Variants in KIF20B observed in about 807,000 individuals in gnomAD.
KIF20B encodes kinesin-like protein KIF20B.
Under a neutral mutation model 232.5 loss-of-function variants are expected in KIF20B, and 188 were observed. That is an observed-to-expected ratio of 0.81 (90% confidence interval 0.72 to 0.91). KIF20B has a LOEUF of 0.91. Ranked by LOEUF, KIF20B falls within the 40% of genes least tolerant of loss-of-function variation. KIF20B has a pLI of 0.00. For synonymous variants in KIF20B, 712 were observed against 683.0 expected (o/e 1.04, Z -0.66); for missense variants, 2,154 against 2,055.9 (o/e 1.05, Z -0.92).
chr10:89,706,256 G>A (rs531984776), intron 2 of KIF20B, among the ~76,000 whole-genome samples: 2 of 152,082 alleles, frequency 1.3e-5, no homozygotes, highest in Admixed American at 1.3e-4. Context: ...AGTATTCTTG[G>A]CCATTTTTCT....
chr10:89,766,282 C>T (rs536424066), intron 29 of KIF20B: 3 of 152,588 alleles, frequency 2.0e-5, no homozygotes, highest in African/African-American at 7.2e-5. Flanking sequence ...CTCTCCTCCT[C>T]CAAAGGAATG....
intron 23 of KIF20B, among the ~76,000 whole-genome samples, chr10:89,748,518 T>A (rs2133146514): frequency 6.6e-6 from 1 of 152,312 alleles, no homozygotes; most frequent in East Asian, 1.9e-4. Context: ...ACAACCAGAT[T>A]ATTACTTATT....
chr10:89,719,551 GA>G lies in KIF20B; in HGVS notation c.1571del (p.Asn524IlefsTer3). The G allele has an allele frequency of 6.2e-7, 1 of 1,613,368 alleles. No homozygotes were observed. Among genetic ancestry groups the G allele is most frequent in the Non-Finnish European group, 8.5e-7 (1 of 1,179,548 alleles). Reference protein sequence around the residue: ...LNVKRATISWENSLEDLMEDE... With the variant: ...LNVKRATISWXNSLEDLMEDE... Reference sequence around the variant, plus strand: ...TGTAAAAAGAGCCACCATTTCATGGGAAAATAGTCTAGAAGATTTGATGGAA... The same window carrying G: ...TGTAAAAAGAGCCACCATTTCATGGGAAATAGTCTAGAAGATTTGATGGAA... On this transcript the variant is annotated frameshift_variant, in exon 13 of 33. Coordinates refer to ENST00000371728, the MANE Select transcript of KIF20B (RefSeq NM_001284259.2). LOFTEE classifies it high-confidence loss of function.
At position 89,772,966 on chromosome 10, in the gene KIF20B, G is replaced by A. The variant is rs982831627; in HGVS notation, c.5385+135G>A. On this transcript the variant is annotated intron_variant, in intron 32 of 32. Coordinates refer to ENST00000371728, the MANE Select transcript of KIF20B (RefSeq NM_001284259.2). ...AGGTCATGCTTTTAGTCTCACATGT[G>A]TTAAGTTTATACTAATTAAATATAA... is the stretch of plus-strand genomic sequence containing the variant. 69 of 654,082 alleles carry A rather than the reference G, an allele frequency of 1.1e-4. 2 individuals are homozygous for A. 40.5% of individuals were successfully genotyped at this position (654,082 alleles called of 1,614,324 possible). A position where few individuals can be genotyped will look rare whatever the true frequency, so the allele number is the denominator to read the frequency against.
chr10:89,737,711 A>C lies in KIF20B; in HGVS notation c.2870A>C (p.Gln957Pro), dbSNP rs1276580891. The C allele has an allele frequency of 6.2e-7, 1 of 1,612,960 alleles. No individual in the cohort carries two copies. The highest frequency in any genetic ancestry group is 8.5e-7 in the Non-Finnish European group (1 of 1,179,466). ...GTGCAGAAAAGTAAAAATCAAGAAC[A>C]GGAGGAAAAGATCATGAAATTGTCA... is the stretch of plus-strand genomic sequence containing the variant. ...LHVQKSKNQE[Q>P]EEKIMKLSNE... Residue 957 changes from glutamine to proline, a missense_variant, in exon 20 of 33, where the codon CAG becomes CCG. Transcript: ENST00000371728.
At chr10:89,764,328 G>C (rs1433645420) in intron 29 of KIF20B, among the ~76,000 whole-genome samples, 1 of 151,974 alleles carries the variant, frequency 6.6e-6, no homozygotes, top group Non-Finnish European at 1.5e-5. Context: ...CCAAGTCTTT[G>C]CTATTGTGAA....
chr10:89,774,296 T>C lies in KIF20B; in HGVS notation c.*248T>C, dbSNP rs1427123880. On this transcript the variant is annotated 3_prime_UTR_variant, in exon 33 of 33. Coordinates refer to ENST00000371728, the MANE Select transcript of KIF20B (RefSeq NM_001284259.2). ...TCAGACATTGGATCAGTGAAGATCC[T>C]AGGAAAGAGGCTGTTATTCTCATTT... 3.8e-6 allele frequency: 1 copy of C among 264,506 alleles called. No homozygotes were observed. Among genetic ancestry groups the C allele is most frequent in the African/African-American group, 2.2e-5 (1 of 45,200 alleles). The allele number at this position is 264,506 out of a possible 1,614,324, so 16.4% of individuals were successfully genotyped here. A position where few individuals can be genotyped will look rare whatever the true frequency, so the allele number is the denominator to read the frequency against.
Position 89,738,494 on chromosome 10 carries a change from T to G in KIF20B, c.3653T>G (p.Leu1218Ter). 6.2e-7 allele frequency: 1 copy of G among 1,606,484 alleles called. No homozygotes were observed. Among genetic ancestry groups the G allele is most frequent in the Non-Finnish European group, 8.5e-7 (1 of 1,177,168 alleles). Residue 1218 changes from leucine to a stop codon, truncating the protein, a stop_gained, in exon 20 of 33, where the codon TTA (leucine) becomes TGA (stop). Transcript: ENST00000371728. LOFTEE classifies it high-confidence loss of function. ...LQDSVKNTKD[L>*]NVKELKLKEE... ...GATTCTGTCAAAAACACCAAAGATT[T>G]AAATGTAAAGGAACTCAAGCTGAAA... is the stretch of plus-strand genomic sequence containing the variant.
intron 13 of KIF20B, among the ~76,000 whole-genome samples, chr10:89,722,558 A>G (rs1423478029): frequency 6.6e-6 from 1 of 151,956 alleles, no homozygotes; most frequent in Non-Finnish European, 1.5e-5. Context: ...AGTCCCAGCT[A>G]CTCGGGAGGT....
intron 8 of KIF20B, among the ~76,000 whole-genome samples, chr10:89,715,650 T>C (rs890502366): frequency 3.3e-5 from 5 of 152,214 alleles, no homozygotes; most frequent in Admixed American, 2.0e-4. Context: ...AATTATACTT[T>C]TACTACAAGG....
chr10:89,747,939 C>T (rs1296965560), intron 23 of KIF20B, among the ~76,000 whole-genome samples: 1 of 152,042 alleles, frequency 6.6e-6, no homozygotes, highest in African/African-American at 2.4e-5. Context: ...GATTCAAATC[C>T]TAGGTGCTGA....
At chr10:89,742,545 A>G (rs1230421844) in intron 21 of KIF20B, among the ~76,000 whole-genome samples, 1 of 152,136 alleles carries the variant, frequency 6.6e-6, no homozygotes, top group East Asian at 1.9e-4. Context: ...GATGGTGTTT[A>G]TTACTTGAAG....
chr10:89,753,149 G>A (rs1304808876), intron 25 of KIF20B, among the ~76,000 whole-genome samples: 2 of 152,090 alleles, frequency 1.3e-5, no homozygotes, highest in Non-Finnish European at 2.9e-5. Context: ...TCTATTTTGT[G>A]TGTGTGTGTT....
chr10:89,738,195 A>G lies in KIF20B; in HGVS notation c.3354A>G (p.Glu1118=), dbSNP rs1237419609. The G allele has an allele frequency of 1.2e-6, 2 of 1,606,578 alleles. No individual in the cohort carries two copies. The highest frequency in any genetic ancestry group is 1.7e-6 in the Non-Finnish European group (2 of 1,178,874). ...AAGATGACCTACTAAAAGAAAAAGA[A>G]ACTCTTATACAGCAGCTGAAAGAAG... ...KNQDDLLKEK[E]TLIQQLKEEL... is the part of the protein sequence containing the mutation. The change falls in exon 20 of 33, where the codon GAA becomes GAG. Residue 1118 remains glutamate, a synonymous_variant. Coordinates refer to ENST00000371728, the MANE Select transcript of KIF20B (RefSeq NM_001284259.2).
intron 4 of KIF20B, 43 bp downstream of exon 4, chr10:89,709,504 G>A (rs781555701): frequency 7.6e-7 from 1 of 1,322,876 alleles, no homozygotes; most frequent in South Asian, 1.2e-5. Context: ...AAGATAAAGA[G>A]ACTTGGCTTA....
chr10:89,724,923 C>A lies in KIF20B; in HGVS notation c.1863-97C>A, dbSNP rs9919501. The stretch of plus-strand genomic sequence containing the variant: ...AACCACTGTACCTGGACTAAATTTT[C>A]TTTTAATCTAGAATATACTTAAACT... On this transcript the variant is annotated intron_variant, in intron 14 of 32. Coordinates refer to ENST00000371728, the MANE Select transcript of KIF20B (RefSeq NM_001284259.2). 1.9e-3 allele frequency: 2,295 copies of A among 1,234,096 alleles called. 36 individuals are homozygous for A. In the African/African-American group the frequency reaches 0.03, roughly 16 times the overall value. 76.4% of individuals were successfully genotyped at this position (1,234,096 alleles called of 1,614,324 possible).
In KIF20B at chr10:89,768,348, C is replaced by T; in HGVS notation, c.5048C>T (p.Pro1683Leu). The T allele has an allele frequency of 6.3e-7, 1 of 1,591,276 alleles. No individual in the cohort carries two copies. The highest frequency in any genetic ancestry group is 8.6e-7 in the Non-Finnish European group (1 of 1,168,122). Residue 1683 changes from proline (P) to leucine (L), a missense_variant, in exon 30 of 33, where the codon CCT becomes CTT. Coordinates refer to ENST00000371728, the MANE Select transcript of KIF20B (RefSeq NM_001284259.2). ...ACACCCAGAACTAATTTGAAATTTC[C>T]TATTTCAGATGATAGAAATTCTTCT... Reference protein sequence around the residue: ...NATPRTNLKFPISDDRNSSVK... With the variant: ...NATPRTNLKFLISDDRNSSVK...
At chr10:89,760,196 G>C (rs575189249) in intron 27 of KIF20B, among the ~76,000 whole-genome samples, 34 of 152,160 alleles carry the variant, frequency 2.2e-4, no homozygotes, top group Non-Finnish European at 4.1e-4. Context: ...CATCTGGAAA[G>C]TAGGAATAAT....
intron 23 of KIF20B, among the ~76,000 whole-genome samples, chr10:89,748,743 T>G (rs1293997671): frequency 6.6e-6 from 1 of 152,216 alleles, no homozygotes; most frequent in African/African-American, 2.4e-5. Context: ...TCTTAGATAC[T>G]CTGGAAAAGT....
Sources: allele counts gnomAD v4.1 joint callset (sites outside exome capture counted in the v4.1 genomes callset), GRCh38; gene constraint gnomAD v4.1.1; transcripts MANE v1.5; gene names NCBI Gene and HGNC (gene_info 2026-07-23, HGNC 2026-07-21).